DLG2: variants seen among roughly 807,000 people sequenced by gnomAD.
DLG2 encodes disks large homolog 2.
In DLG2, 45 loss-of-function variants were observed where a neutral mutation model predicts 132.5. That is an observed-to-expected ratio of 0.34 (90% confidence interval 0.27 to 0.44). The LOEUF (loss-of-function observed/expected upper bound fraction) is 0.44. Among genes scored for constraint, DLG2 ranks in the 20% least tolerant of loss-of-function variants. The pLI is 1.00. For missense variants in DLG2, 1,045 were observed against 1,196.9 expected (o/e 0.87, Z 1.87); for synonymous variants, 424 against 419.6 (o/e 1.01, Z -0.13).
At chr11:85,361,971 T>C (rs576673313) in intron 3 of DLG2, among the ~76,000 whole-genome samples, 1 of 152,262 alleles carries the variant, frequency 6.6e-6, no homozygotes, top group South Asian at 2.1e-4. Context: ...TCATCTATGA[T>C]TTAGTTCTCT....
At chr11:84,773,366 ATTC>A (rs2069762429) in intron 6 of DLG2, among the ~76,000 whole-genome samples, 1 of 152,116 alleles carries the variant, frequency 6.6e-6, no homozygotes, top group African/African-American at 2.4e-5. Context: ...AACTAGCACA[ATTC>A]TACTGGAATT....
At chr11:85,445,521 A>G (rs1363067486) in intron 3 of DLG2, among the ~76,000 whole-genome samples, 1 of 152,170 alleles carries the variant, frequency 6.6e-6, no homozygotes, top group Non-Finnish European at 1.5e-5. Context: ...CTACTGAAAA[A>G]TGCAAAAAAT....
At chr11:83,915,956 C>T (rs2076853585) in intron 15 of DLG2, among the ~76,000 whole-genome samples, 1 of 152,132 alleles carries the variant, frequency 6.6e-6, no homozygotes, top group Non-Finnish European at 1.5e-5. Context: ...GATTTATTTG[C>T]CTATTGTTGA....
intron 6 of DLG2, among the ~76,000 whole-genome samples, chr11:85,066,843 T>C (rs1314307609): frequency 6.6e-6 from 1 of 151,762 alleles, no homozygotes; most frequent in East Asian, 1.9e-4. Context: ...GGGGAAAAGT[T>C]GAAAGCATTC....
At chr11:84,980,567 C>A (rs1172865803) in intron 6 of DLG2, among the ~76,000 whole-genome samples, 1 of 152,126 alleles carries the variant, frequency 6.6e-6, no homozygotes, top group East Asian at 1.9e-4. Context: ...TTCCTAGATG[C>A]CCAGAACCCA....
chr11:84,077,134 C>A (rs1226355367), intron 10 of DLG2, among the ~76,000 whole-genome samples: 2 of 152,166 alleles, frequency 1.3e-5, no homozygotes, highest in African/African-American at 2.4e-5. Flanking sequence ...GTTGTCTTGA[C>A]CTGGCATCTC....
At chr11:84,817,636 A>G (rs1344110076) in intron 6 of DLG2, among the ~76,000 whole-genome samples, 1 of 152,020 alleles carries the variant, frequency 6.6e-6, no homozygotes, top group Non-Finnish European at 1.5e-5. Context: ...TGATCATATT[A>G]TTCTACTTTT....
At chr11:85,488,265 T>A (rs1369214530) in intron 3 of DLG2, among the ~76,000 whole-genome samples, 1 of 152,048 alleles carries the variant, frequency 6.6e-6, no homozygotes, top group African/African-American at 2.4e-5. Context: ...GTGAGGCACC[T>A]ATAGTCCCAG....
intron 21 of DLG2, among the ~76,000 whole-genome samples, chr11:83,531,617 CT>C (rs2095746898): frequency 6.6e-6 from 1 of 151,968 alleles, no homozygotes; most frequent in Admixed American, 6.6e-5. Context: ...CATAGAGTTA[CT>C]ATATGACCCA....
At chr11:84,935,449 A>G (rs2048628419) in intron 6 of DLG2, among the ~76,000 whole-genome samples, 1 of 152,196 alleles carries the variant, frequency 6.6e-6, no homozygotes, top group African/African-American at 2.4e-5. Context: ...AGAATCAGGT[A>G]TCACTTCATA....
At chr11:84,445,715 G>A (rs995925174) in intron 7 of DLG2, among the ~76,000 whole-genome samples, 1 of 151,890 alleles carries the variant, frequency 6.6e-6, no homozygotes, top group Non-Finnish European at 1.5e-5. Flanking sequence ...AGGAGATCGA[G>A]ACCATCCTGG....
At chr11:84,256,592 A>T (rs1161693702) in intron 7 of DLG2, among the ~76,000 whole-genome samples, 2 of 152,208 alleles carry the variant, frequency 1.3e-5, no homozygotes, top group Non-Finnish European at 2.9e-5. Context: ...CGCCAATTTA[A>T]ATAGGTGGTA....
intron 6 of DLG2, among the ~76,000 whole-genome samples, chr11:84,663,558 G>C (rs551842117): frequency 6.6e-6 from 1 of 152,060 alleles, no homozygotes; most frequent in Non-Finnish European, 1.5e-5. Flanking sequence ...CAGGAACACA[G>C]GATATTTATT....
chr11:84,690,772 C>T (rs937206482), intron 6 of DLG2, among the ~76,000 whole-genome samples: 2 of 151,800 alleles, frequency 1.3e-5, no homozygotes, highest in African/African-American at 4.8e-5. Context: ...ATGATTTACT[C>T]CAAATCACAT....
intron 6 of DLG2, among the ~76,000 whole-genome samples, chr11:84,639,613 A>G (rs1231429372): frequency 2.6e-5 from 4 of 152,112 alleles, no homozygotes; most frequent in South Asian, 2.1e-4. Flanking sequence ...ATGCTCCTCA[A>G]CTTCTCAACT....
chr11:83,689,971 T>TATATTATA (rs758814018), intron 18 of DLG2, among the ~76,000 whole-genome samples: 36,441 of 137,500 alleles, frequency 0.27, 5,050 homozygotes, highest in South Asian at 0.32. Flanking sequence ...AATATATATT[T>TATATTATA]ATATTATAAT....
chr11:85,200,135 G>A (rs558079710), intron 4 of DLG2, among the ~76,000 whole-genome samples: 1 of 152,042 alleles, frequency 6.6e-6, no homozygotes, highest in Non-Finnish European at 1.5e-5. Flanking sequence ...AACACCTAGG[G>A]GGGTCATTTC....
intron 4 of DLG2, among the ~76,000 whole-genome samples, chr11:85,163,049 C>A (rs141148320): frequency 1.3e-5 from 2 of 152,268 alleles, no homozygotes; most frequent in East Asian, 3.9e-4. Flanking sequence ...AGTTTCCCAG[C>A]CTACATCCTT....
chr11:84,338,503 T>C (rs1020036504), intron 7 of DLG2, among the ~76,000 whole-genome samples: 2 of 152,198 alleles, frequency 1.3e-5, no homozygotes, highest in Non-Finnish European at 2.9e-5. Flanking sequence ...CCTTAACAAC[T>C]ATGAGCCTCC....
Sources: allele counts gnomAD v4.1 joint callset (sites outside exome capture counted in the v4.1 genomes callset), GRCh38; gene constraint gnomAD v4.1.1; transcripts MANE v1.5; gene names NCBI Gene and HGNC (gene_info 2026-07-23, HGNC 2026-07-21).